ITGA1: variants seen among roughly 807,000 people sequenced by gnomAD.
ITGA1 encodes integrin alpha-1.
Under a neutral mutation model 145.9 loss-of-function variants are expected in ITGA1, and 85 were observed. The ratio of observed to expected loss-of-function variants is 0.58; its 90% CI spans 0.49 to 0.70. ITGA1 has a LOEUF of 0.70. Ranked by LOEUF, ITGA1 falls within the 30% of genes least tolerant of loss-of-function variation. The pLI is 0.00. For synonymous variants in ITGA1, 520 were observed against 495.3 expected, an observed-to-expected ratio of 1.05 and a Z score of -0.66; for missense variants, 1,351 against 1,418.7, an observed-to-expected ratio of 0.95 and a Z score of 0.77.
intron 1 of ITGA1, chr5:52,800,182 C>T: frequency 1.7e-6 from 1 of 586,944 alleles, no homozygotes; most frequent in South Asian, 2.0e-5. Flanking sequence ...CTGTTAGACG[C>T]AGCGCGCCGG....
chr5:52,931,052 C>G (rs1750887446), intron 21 of ITGA1: 1 of 152,124 alleles, frequency 6.6e-6, no homozygotes, highest in Non-Finnish European at 1.5e-5. Context: ...TTTCTCTGTC[C>G]TGCTGCTTAT....
chr5:52,864,765 A>C lies in ITGA1; in HGVS notation c.298A>C (p.Asn100His), dbSNP rs747704501. The C allele has an allele frequency of 1.2e-5, 19 of 1,598,496 alleles. No homozygotes were observed. Among genetic ancestry groups the C allele is most frequent in the African/African-American group, 2.7e-5 (2 of 74,288 alleles). Residue 100 changes from asparagine (N) to histidine (H), a missense_variant and splice_region_variant, in exon 4 of 29, where the codon AAT becomes CAT. Transcript: ENST00000282588. ...LPCVKLDLPV[N>H]TSIPNVTEVK... ...ATAAAATTTTGTTCTATTTTTAGTT[A>C]ATACATCAATTCCCAATGTCACAGA... is the stretch of plus-strand genomic sequence containing the variant.
chr5:52,861,350 AGT>A lies in ITGA1; in HGVS notation c.183-94_183-93del, dbSNP rs1490705396. The A allele has an allele frequency of 3.8e-5, 27 of 713,216 alleles. No homozygotes were observed. In the Admixed American group the frequency reaches 4.3e-4, roughly 11 times the overall value. The allele number at this position is 713,216 out of a possible 1,614,324, so 44.2% of individuals were successfully genotyped here. ...ATAGCATGATTATTATCTGATTATGAGTGTTATTGTCAATTATCTTAAAATCA... is the reference window on the plus strand; with the variant it reads ...ATAGCATGATTATTATCTGATTATGAGTTATTGTCAATTATCTTAAAATCA... On this transcript the variant is annotated intron_variant, in intron 2 of 28. Coordinates refer to ENST00000282588, the MANE Select transcript of ITGA1 (RefSeq NM_181501.2).
chr5:52,923,406 A>G (rs1750758958), intron 18 of ITGA1, among the ~76,000 whole-genome samples: 1 of 152,082 alleles, frequency 6.6e-6, no homozygotes, highest in Non-Finnish European at 1.5e-5. Flanking sequence ...CAGCAAGCTT[A>G]CCTACAGATA....
At chr5:52,905,463 T>G (rs1750385483) in intron 11 of ITGA1, 1 of 201,990 alleles carries the variant, frequency 5.0e-6, no homozygotes, top group Non-Finnish European at 1.0e-5. Flanking sequence ...TTATTACAAA[T>G]TGGGGTGGGG....
chr5:52,912,875 G>C (rs891556620), intron 14 of ITGA1, among the ~76,000 whole-genome samples: 25 of 151,598 alleles, frequency 1.6e-4, no homozygotes, highest in African/African-American at 5.8e-4. Flanking sequence ...GTCTCCCGAG[G>C]AACTGGGACT....
At position 52,898,245 on chromosome 5, in the gene ITGA1, G is replaced by A; in HGVS notation, c.1171G>A (p.Val391Ile). The change falls in exon 11 of 29, where the codon GTC becomes ATC. Residue 391 changes from valine to isoleucine, a missense_variant. By Grantham distance (29) the Val-to-Ile change is conservative. Coordinates refer to ENST00000282588, the MANE Select transcript of ITGA1 (RefSeq NM_181501.2). ...TTATTTATTTGCATGTAAGGACTGG[G>A]TCATGCTTGGAGCAGTAGGAGCCTA... The part of the protein sequence containing the change: ...GFSAHYSQDW[V>I]MLGAVGAYDW... The A allele has an allele frequency of 6.4e-7, 1 of 1,570,792 alleles. No homozygotes were observed. Among genetic ancestry groups the A allele is most frequent in the Non-Finnish European group, 8.6e-7 (1 of 1,159,688 alleles).
chr5:52,822,403 C>T (rs1748893273), intron 1 of ITGA1, among the ~76,000 whole-genome samples: 1 of 152,216 alleles, frequency 6.6e-6, no homozygotes, highest in Non-Finnish European at 1.5e-5. Context: ...CTCATCCAAC[C>T]AGTTGCCTCT....
chr5:52,808,922 T>C (rs891265009), intron 1 of ITGA1, among the ~76,000 whole-genome samples: 1 of 151,472 alleles, frequency 6.6e-6, no homozygotes, highest in African/African-American at 2.5e-5. Context: ...GATTCCAATG[T>C]CACCTACTTT....
rs147185549 is a variant in ITGA1 at position 52,949,418 on chromosome 5, T to G, written c.3495+1957T>G. On this transcript the variant is annotated intron_variant, in intron 28 of 28. Transcript: ENST00000282588. ...ATTATCACTCTGTGTTCTCTCTTGC[T>G]TCCATTCACTCTGGTGTCCTTGCAA... Among the ~76,000 whole-genome samples, 376 of 152,322 alleles carry G rather than the reference T, an allele frequency of 2.5e-3. 2 individuals are homozygous for G. The highest frequency in any genetic ancestry group is 8.8e-3 in the African/African-American group (368 of 41,586).
intron 6 of ITGA1, among the ~76,000 whole-genome samples, chr5:52,880,881 C>A (rs887068886): frequency 1.3e-5 from 2 of 152,170 alleles, no homozygotes; most frequent in African/African-American, 4.8e-5. Context: ...TATTGGTTCA[C>A]ATCAACCTTT....
Position 52,893,812 on chromosome 5 carries a change from T to C in ITGA1, c.1062T>C (p.Thr354=), listed in dbSNP as rs1579703065. 1 of 1,611,960 alleles carries C rather than the reference T, an allele frequency of 6.2e-7. No homozygotes were observed. The highest frequency in any genetic ancestry group is 2.2e-5 in the East Asian group (1 of 44,778). Residue 354 remains threonine (T), a synonymous_variant, in exon 9 of 29, where the codon ACT becomes ACC. Transcript: ENST00000282588. ...TGGCTCTAGTCACCATTGTTAAAAC[T>C]CTGGGAGAAAGAATATTTGCCCTGG... ...DELALVTIVK[T]LGERIFALEA... is the part of the protein sequence containing the mutation.
chr5:52,872,835 T>C (rs1396482505), intron 6 of ITGA1, among the ~76,000 whole-genome samples: 1 of 152,192 alleles, frequency 6.6e-6, no homozygotes, highest in Non-Finnish European at 1.5e-5. Context: ...TGTAATTTTC[T>C]ATGATTATCC....
At position 52,929,693 on chromosome 5, in the gene ITGA1, T is replaced by C. The variant is rs531010339; in HGVS notation, c.2763T>C (p.Ser921=). The C allele has an allele frequency of 3.8e-6, 6 of 1,580,000 alleles. No homozygotes were observed. The highest frequency in any genetic ancestry group is 5.2e-6 in the Non-Finnish European group (6 of 1,152,376). Residue 921 remains serine (S), a synonymous_variant, in exon 21 of 29, where the codon AGT becomes AGC. Coordinates refer to ENST00000282588, the MANE Select transcript of ITGA1 (RefSeq NM_181501.2). The part of the protein sequence containing the change: ...YLMENVTIYL[S]ATSDSEEPPE... ...TGGAAAATGTGACCATTTATTTAAGTGCAACAAGGTTGGTTTACATGTGTA... is the reference window on the plus strand; with the variant it reads ...TGGAAAATGTGACCATTTATTTAAGCGCAACAAGGTTGGTTTACATGTGTA...
chr5:52,817,985 A>G (rs926051619), intron 1 of ITGA1, among the ~76,000 whole-genome samples: 1 of 152,174 alleles, frequency 6.6e-6, no homozygotes, highest in Non-Finnish European at 1.5e-5. Flanking sequence ...ACAATAGTAA[A>G]TAATAGGATA....
At chr5:52,866,906 C>T (rs563425238) in intron 6 of ITGA1, 1 of 152,060 alleles carries the variant, frequency 6.6e-6, no homozygotes, top group South Asian at 2.1e-4. Flanking sequence ...TGCCTCAGGT[C>T]AGGAATTAGC....
At chr5:52,944,731 C>T (rs1579734442) in intron 26 of ITGA1, among the ~76,000 whole-genome samples, 1 of 151,904 alleles carries the variant, frequency 6.6e-6, no homozygotes, top group Non-Finnish European at 1.5e-5. Context: ...CATTCCATAA[C>T]GAGGATCTAA....
chr5:52,885,236 C>A lies in ITGA1; in HGVS notation c.774-2579C>A, dbSNP rs372923656. Among the ~76,000 whole-genome samples the A allele has an allele frequency of 1.3e-3, 195 of 152,206 alleles. 2 individuals are homozygous for A. In the South Asian group the frequency reaches 0.033, roughly 26 times the overall value. The stretch of plus-strand genomic sequence containing the variant: ...AGTTTTACAGAGGCTTGATCACAGG[C>A]ATGATTGATTATTAACTGATTCTCT... On this transcript the variant is annotated intron_variant, in intron 7 of 28. Transcript: ENST00000282588.
At chr5:52,889,216 C>G (rs1001451540) in intron 8 of ITGA1, among the ~76,000 whole-genome samples, 5 of 152,076 alleles carry the variant, frequency 3.3e-5, no homozygotes, top group African/African-American at 1.2e-4. Flanking sequence ...ATTCTCCTGC[C>G]TCAGCCTCCC....
Sources: allele counts gnomAD v4.1 joint callset (sites outside exome capture counted in the v4.1 genomes callset), GRCh38; gene constraint gnomAD v4.1.1; transcripts MANE v1.5; gene names NCBI Gene and HGNC (gene_info 2026-07-23, HGNC 2026-07-21).